ING1: variants seen among roughly 807,000 people sequenced by gnomAD.
ING1 encodes inhibitor of growth protein 1.
Under a neutral mutation model 23.1 loss-of-function variants are expected in ING1, and 4 were observed. The observed-to-expected ratio is 0.17, with a 90% CI of 0.09 to 0.40. The LOEUF (loss-of-function observed/expected upper bound fraction) is 0.40. ING1 is among the 10% of genes least tolerant of loss of function. The pLI is 1.00. For missense variants in ING1, 256 were observed against 393.8 expected (o/e 0.65, Z 2.96); for synonymous variants, 179 against 166.4 (o/e 1.08, Z -0.58).
intron 1 of ING1, chr13:110,715,836 C>T: frequency 1.3e-6 from 2 of 1,589,874 alleles, no homozygotes; most frequent in African/African-American, 2.7e-5. Flanking sequence ...CCCCGCTCAG[C>T]CCGGCCACTT....
At chr13:110,716,159 C>A (rs576363027) in intron 1 of ING1, 3 of 823,958 alleles carry the variant, frequency 3.6e-6, no homozygotes, top group East Asian at 3.1e-5. Context: ...GATCGTTCGA[C>A]GATAGAAAAA....
chr13:110,715,075 G>A (rs1487082779), intron 1 of ING1: 2 of 1,027,732 alleles, frequency 1.9e-6, no homozygotes, highest in Non-Finnish European at 2.3e-6. Flanking sequence ...GAGAGGACCT[G>A]TGCGTCGTTC....
chr13:110,718,809 A>C (rs1353401741), intron 1 of ING1, among the ~76,000 whole-genome samples: 1 of 152,164 alleles, frequency 6.6e-6, no homozygotes, highest in Non-Finnish European at 1.5e-5. Context: ...AATTGTATTC[A>C]AATAGAAACA....
chr13:110,717,179 A>T (rs2064130982), intron 1 of ING1, among the ~76,000 whole-genome samples: 1 of 152,238 alleles, frequency 6.6e-6, no homozygotes. Flanking sequence ...ATTTAAAAAT[A>T]AATGGTACAC....
Position 110,713,859 on chromosome 13 carries a change from G to A in ING1, c.-291G>A, listed in dbSNP as rs2139963904. 8 of 981,822 alleles carry A rather than the reference G, an allele frequency of 8.1e-6. No homozygotes were observed. Among genetic ancestry groups the A allele is most frequent in the Non-Finnish European group, 9.7e-6 (8 of 828,418 alleles). The allele number at this position is 981,822 out of a possible 1,614,324, so 60.8% of individuals were successfully genotyped here. ...CGCCGGTGTGTGCGCGCTCGTACGC[G>A]CGGCCCCCGGCGCCAGCCCCGCCGC... On this transcript the variant is annotated 5_prime_UTR_variant, in exon 1 of 2. Coordinates refer to ENST00000333219, the MANE Select transcript of ING1 (RefSeq NM_198219.3).
chr13:110,715,818 G>T (rs559721882), intron 1 of ING1: 3 of 1,586,308 alleles, frequency 1.9e-6, no homozygotes. Context: ...TGTCGCCCCG[G>T]CCCCTCTCCC....
chr13:110,716,124 G>A lies in ING1; in HGVS notation c.136+1839G>A, dbSNP rs1003403435. ...GGTGACCCTGGGGCTCCGGACGGAAGGAAGGCAGGGGCTGAGACCACTTTG... is the reference window on the plus strand; with the variant it reads ...GGTGACCCTGGGGCTCCGGACGGAAAGAAGGCAGGGGCTGAGACCACTTTG... On this transcript the variant is annotated intron_variant, in intron 1 of 1. Transcript: ENST00000333219. 4.5e-6 allele frequency: 5 copies of A among 1,101,208 alleles called. No homozygotes were observed. In the African/African-American group the frequency reaches 8.1e-5, roughly 18 times the overall value. The allele number at this position is 1,101,208 out of a possible 1,614,324, so 68.2% of individuals were successfully genotyped here.
At chr13:110,718,075 C>T (rs1000266983) in intron 1 of ING1, among the ~76,000 whole-genome samples, 2 of 152,162 alleles carry the variant, frequency 1.3e-5, no homozygotes, top group African/African-American at 4.8e-5. Flanking sequence ...TATACACTGT[C>T]CTCTAACATG....
chr13:110,715,306 C>T (rs2064101840), intron 1 of ING1: 4 of 1,398,968 alleles, frequency 2.9e-6, no homozygotes, highest in African/African-American at 2.9e-5. Context: ...GACCGCTATC[C>T]CCGAAAGTAC....
chr13:110,721,297 T>C lies in ING1; in HGVS notation c.*1365T>C, dbSNP rs1294151117. Reference sequence around the variant, plus strand: ...TTATTATTTTTTATTTTTTTGAGATTGAGTTCCAGGCTGGAGTGCAATAGC... The same window carrying C: ...TTATTATTTTTTATTTTTTTGAGATCGAGTTCCAGGCTGGAGTGCAATAGC... On this transcript the variant is annotated 3_prime_UTR_variant, in exon 2 of 2. Coordinates refer to ENST00000333219, the MANE Select transcript of ING1 (RefSeq NM_198219.3). The C allele has an allele frequency of 2.0e-5, 3 of 152,266 alleles. No individual in the cohort carries two copies. The highest frequency in any genetic ancestry group is 2.9e-5 in the Non-Finnish European group (2 of 68,060). The allele number at this position is 152,266 out of a possible 1,614,324, so 9.4% of individuals were successfully genotyped here.
intron 1 of ING1, among the ~76,000 whole-genome samples, chr13:110,717,644 A>G (rs550809240): frequency 2.5e-3 from 377 of 152,288 alleles, no homozygotes; most frequent in Non-Finnish European, 3.8e-3. Flanking sequence ...CCTGTCCAAC[A>G]TGGAGACACC....
In ING1 at chr13:110,720,244, A is replaced by AG. The variant is rs1208388492; in HGVS notation, c.*314dup. The AG allele has an allele frequency of 4.7e-6, 1 of 212,842 alleles. No individual in the cohort carries two copies. The highest frequency in any genetic ancestry group is 2.3e-5 in the African/African-American group (1 of 43,264). The allele number at this position is 212,842 out of a possible 1,614,324, so 13.2% of individuals were successfully genotyped here. On this transcript the variant is annotated 3_prime_UTR_variant, in exon 2 of 2. Coordinates refer to ENST00000333219, the MANE Select transcript of ING1 (RefSeq NM_198219.3). The stretch of plus-strand genomic sequence containing the variant: ...CTCAACCTAACACATTAAATGTGGA[A>AG]GGAAAATATTTCATTTAGCTTTTTT...
At chr13:110,715,869 A>C (rs1438477544) in intron 1 of ING1, 1 of 1,595,382 alleles carries the variant, frequency 6.3e-7, no homozygotes, top group Non-Finnish European at 8.5e-7. Context: ...TTATAGCAGT[A>C]GCAGTGATCC....
chr13:110,713,376 T>G, upstream of ING1: 1 of 1,049,748 alleles, frequency 9.5e-7, no homozygotes, highest in Non-Finnish European at 1.1e-6. Context: ...GCCGCTCCCC[T>G]GCGTTTCCCA....
Position 110,714,051 on chromosome 13 carries a change from G to A in ING1, c.-99G>A, listed in dbSNP as rs1002288505. The A allele has an allele frequency of 1.9e-5, 24 of 1,281,062 alleles. No homozygotes were observed. The highest frequency in any genetic ancestry group is 2.2e-5 in the Non-Finnish European group (22 of 1,008,356). The allele number at this position is 1,281,062 out of a possible 1,614,324, so 79.4% of individuals were successfully genotyped here. On this transcript the variant is annotated 5_prime_UTR_variant, in exon 1 of 2. Transcript: ENST00000333219. ...GAGCCGGCGGGGGGGCGCCGGGAGA[G>A]CGAGGGCTTTGCATTTTGCAGTGCT...
intron 1 of ING1, chr13:110,715,296 G>T: frequency 7.2e-7 from 1 of 1,380,198 alleles, no homozygotes; most frequent in South Asian, 1.9e-5. Flanking sequence ...AAAAAAAATT[G>T]ACCGCTATCC....
intron 1 of ING1, chr13:110,716,153 G>T (rs144185722): frequency 4.8e-6 from 4 of 830,068 alleles, no homozygotes; most frequent in Non-Finnish European, 6.8e-6. Flanking sequence ...CACTTTGATC[G>T]TTCGACGATA....
chr13:110,719,529 A>G lies in ING1; in HGVS notation c.437A>G (p.Asn146Ser). The G allele has an allele frequency of 6.2e-7, 1 of 1,611,100 alleles. No homozygotes were observed. The highest frequency in any genetic ancestry group is 8.5e-7 in the Non-Finnish European group (1 of 1,178,886). Reference protein sequence around the residue: ...GEAAAQADKPNSKRSRRQRNN... With the variant: ...GEAAAQADKPSSKRSRRQRNN... ...GCGGCAGCGCAGGCTGACAAGCCCA[A>G]CAGCAAGCGCTCACGGCGGCAGCGC... The change falls in exon 2 of 2, where the codon AAC becomes AGC. Residue 146 changes from asparagine (N) to serine (S), a missense_variant. Transcript: ENST00000333219. The surrounding 1 kb of genome is among the most constrained non-coding windows in gnomAD (Gnocchi z 8.9).
In ING1 at chr13:110,719,643, C is replaced by G; in HGVS notation, c.551C>G (p.Ser184Cys). ...GTPKEKKAKT[S>C]KKKKRSKAKA... ...CCCAAGGAGAAGAAGGCCAAGACCT[C>G]CAAGAAGAAGAAGCGCTCCAAGGCC... Residue 184 changes from serine (S) to cysteine (C), a missense_variant, in exon 2 of 2, where the codon TCC (serine) becomes TGC (cysteine). This residue lies in a region of ING1 where 209 missense variants were observed against 273.8 expected (regional missense o/e 0.76). Transcript: ENST00000333219. This position sits in a 1 kb window ranked among gnomAD's most constrained non-coding sequence, Gnocchi z 8.9. 1 of 1,612,512 alleles carries G rather than the reference C, an allele frequency of 6.2e-7. No homozygotes were observed. Among genetic ancestry groups the G allele is most frequent in the Non-Finnish European group, 8.5e-7 (1 of 1,179,692 alleles).
Sources: allele counts gnomAD v4.1 joint callset (sites outside exome capture counted in the v4.1 genomes callset), GRCh38; gene constraint gnomAD v4.1.1; regional missense constraint gnomAD v4.1.1; non-coding constraint Gnocchi (gnomAD v3.1); transcripts MANE v1.5; gene names NCBI Gene and HGNC (gene_info 2026-07-23, HGNC 2026-07-21).